The following BCAR3 variants were observed in gnomAD, a reference collection of about 807,000 sequenced individuals.
BCAR3 encodes the protein BCAR3 adaptor protein, NSP family member, also known as breast cancer anti-estrogen resistance protein 3.
BCAR3 carries 37 observed loss-of-function variants against 80.1 expected under a neutral mutation model. That is an observed-to-expected ratio of 0.46 (90% confidence interval 0.36 to 0.61). BCAR3 has a LOEUF of 0.61. BCAR3 is among the 20% of genes least tolerant of loss of function. BCAR3 has a pLI of 0.00. For missense variants in BCAR3, 978 were observed against 1,068.2 expected (o/e 0.92, Z 1.18); for synonymous variants, 389 against 418.9 (o/e 0.93, Z 0.87).
chr1:93,611,213 G>A (rs1188398405), intron 3 of BCAR3, among the ~76,000 whole-genome samples: 1 of 152,120 alleles, frequency 6.6e-6, no homozygotes, highest in African/African-American at 2.4e-5. Flanking sequence ...GTGATATTAT[G>A]ACCTAATAAT....
At position 93,716,490 on chromosome 1, in the gene BCAR3, C is replaced by T. The variant is rs1325218215; in HGVS notation, c.-62-10348G>A. Among the ~76,000 whole-genome samples the T allele has an allele frequency of 2.0e-5, 3 of 152,180 alleles. No individual in the cohort carries two copies. The East Asian group carries it at 5.8e-4, about 29-fold the overall frequency. On this transcript the variant is annotated intron_variant, in intron 2 of 13. Transcript: ENST00000370244. ...AACTCATTAGCTTGGCCTGTGAGATCAAGGGTGATCTGACTCTTATCTCTC... is the reference window on the plus strand; with the variant it reads ...AACTCATTAGCTTGGCCTGTGAGATTAAGGGTGATCTGACTCTTATCTCTC...
chr1:93,583,956 T>C (rs1673833242), intron 6 of BCAR3, 62 bp downstream of exon 6: 7 of 1,512,334 alleles, frequency 4.6e-6, no homozygotes, highest in Non-Finnish European at 6.4e-6. Flanking sequence ...TGGGGCAGGG[T>C]AACAGCCTGA....
chr1:93,815,626 G>A (rs750943455), intron 2 of BCAR3, among the ~76,000 whole-genome samples: 4 of 152,146 alleles, frequency 2.6e-5, no homozygotes, highest in Non-Finnish European at 5.9e-5. Context: ...GGGGAGGGAA[G>A]TCACTTTTCA....
intron 3 of BCAR3, among the ~76,000 whole-genome samples, chr1:93,603,639 C>T (rs960816595): frequency 1.3e-5 from 2 of 152,180 alleles, no homozygotes; most frequent in African/African-American, 4.8e-5. Flanking sequence ...TAAAGTTCTG[C>T]AGAAATAGTC....
chr1:93,715,164 C>G (rs1210053334), intron 2 of BCAR3, among the ~76,000 whole-genome samples: 2 of 152,238 alleles, frequency 1.3e-5, no homozygotes, highest in East Asian at 1.9e-4. Context: ...GTTCTTCCCC[C>G]CTGCTATTCT....
At chr1:93,669,431 C>T (rs898532800) in intron 2 of BCAR3, among the ~76,000 whole-genome samples, 6 of 152,194 alleles carry the variant, frequency 3.9e-5, no homozygotes, top group Non-Finnish European at 8.8e-5. Context: ...GGAAAATGTA[C>T]TGCTCATTTT....
intron 3 of BCAR3, among the ~76,000 whole-genome samples, chr1:93,612,336 C>A (rs935706514): frequency 6.6e-6 from 1 of 152,058 alleles, no homozygotes; most frequent in African/African-American, 2.4e-5. Flanking sequence ...AGTCAACCAC[C>A]AAGAGTGGCC....
rs115895116 is a variant in BCAR3, at chr1:93,728,206, G to A, written c.-62-22064C>T. Among the ~76,000 whole-genome samples the A allele has an allele frequency of 9.1e-3, 1,386 of 152,340 alleles. 8 individuals are homozygous for A. The highest frequency in any genetic ancestry group is 0.015 in the Non-Finnish European group (1,039 of 68,018). ...TTTTTTACAGCAGCCCTAGTGAAAT[G>A]AGAAATTCCTTTGTCCCCCTCGCAG... On this transcript the variant is annotated intron_variant, in intron 2 of 13. Transcript: ENST00000370244.
chr1:93,685,911 T>G (rs1214975822), upstream of BCAR3, among the ~76,000 whole-genome samples: 1 of 152,026 alleles, frequency 6.6e-6, no homozygotes, highest in Non-Finnish European at 1.5e-5. Context: ...TTTAGTAGAC[T>G]TTTTTTTCTT....
At chr1:93,684,415 G>A (rs1648904416), upstream of BCAR3, among the ~76,000 whole-genome samples, 1 of 152,190 alleles carries the variant, frequency 6.6e-6, no homozygotes, top group South Asian at 2.1e-4. Flanking sequence ...ATTTCCTCAT[G>A]AGTAAGTGAA....
chr1:93,648,396 AC>A (rs1352663720), intron 2 of BCAR3, among the ~76,000 whole-genome samples: 5 of 152,222 alleles, frequency 3.3e-5, no homozygotes, highest in Non-Finnish European at 5.9e-5. Context: ...AATGGAAATT[AC>A]ACATTAAAAA....
At chr1:93,732,808 C>G (rs550759796) in intron 2 of BCAR3, among the ~76,000 whole-genome samples, 1 of 152,202 alleles carries the variant, frequency 6.6e-6, no homozygotes, top group African/African-American at 2.4e-5. Flanking sequence ...ATCTCCCCTC[C>G]TCTCAACCTG....
chr1:93,641,628 T>C (rs1177639236), intron 3 of BCAR3, among the ~76,000 whole-genome samples: 1 of 152,174 alleles, frequency 6.6e-6, no homozygotes, highest in Non-Finnish European at 1.5e-5. Context: ...TTTAGAAGGG[T>C]TGAATACTTA....
chr1:93,608,113 T>C (rs1570964196), intron 3 of BCAR3, among the ~76,000 whole-genome samples: 2 of 152,180 alleles, frequency 1.3e-5, no homozygotes, highest in Non-Finnish European at 2.9e-5. Flanking sequence ...AGCACACACA[T>C]ATCTAGAGTA....
At chr1:93,634,929 C>T (rs1203467668) in intron 3 of BCAR3, among the ~76,000 whole-genome samples, 3 of 152,092 alleles carry the variant, frequency 2.0e-5, no homozygotes, top group Admixed American at 6.5e-5. Context: ...TGTGTTTCTG[C>T]GTATATCAAC....
intron 2 of BCAR3, among the ~76,000 whole-genome samples, chr1:93,711,080 T>C (rs1650003765): frequency 6.6e-6 from 1 of 152,134 alleles, no homozygotes; most frequent in Non-Finnish European, 1.5e-5. Context: ...CCAGAATGAA[T>C]GATAAGAAAG....
intron 7 of BCAR3, among the ~76,000 whole-genome samples, chr1:93,578,402 G>C (rs190200): frequency 0.79 from 119,857 of 152,136 alleles, 47,841 homozygotes; most frequent in African/African-American, 0.92. Context: ...TAGAAAAGAC[G>C]TATGAAGCCC....
intron 3 of BCAR3, among the ~76,000 whole-genome samples, chr1:93,611,799 T>C (rs1674958352): frequency 6.6e-6 from 1 of 152,204 alleles, no homozygotes; most frequent in African/African-American, 2.4e-5. Context: ...TTTGTTCCCA[T>C]ACAGCAAACA....
At chr1:93,631,916 C>T (rs1214393712) in intron 3 of BCAR3, among the ~76,000 whole-genome samples, 1 of 152,170 alleles carries the variant, frequency 6.6e-6, no homozygotes, top group African/African-American at 2.4e-5. Flanking sequence ...CAAGAAAACC[C>T]ATCTCAGGCT....
Sources: gnomAD v4.1 joint callset for allele counts (sites outside exome capture counted in the v4.1 genomes callset) on GRCh38, gnomAD v4.1.1 for gene constraint, MANE v1.5 for transcripts, NCBI Gene and HGNC (gene_info 2026-07-23, HGNC 2026-07-21) for gene names.